SEL1L3: variants seen among roughly 807,000 people sequenced by gnomAD.
The protein encoded by SEL1L3 is SEL1L family member 3.
SEL1L3 carries 76 observed loss-of-function variants against 142.8 expected under a neutral mutation model. The ratio of observed to expected loss-of-function variants is 0.53; its 90% CI spans 0.44 to 0.64. The LOEUF is 0.64. SEL1L3 is among the 30% of genes least tolerant of loss of function. SEL1L3 has a pLI of 0.00. For missense variants in SEL1L3, 1,262 were observed against 1,381.7 expected (o/e 0.91, Z 1.37); for synonymous variants, 504 against 519.6 (o/e 0.97, Z 0.41).
intron 6 of SEL1L3, among the ~76,000 whole-genome samples, chr4:25,826,350 C>T (rs1323796069): frequency 6.6e-6 from 1 of 152,200 alleles, no homozygotes; most frequent in South Asian, 2.1e-4. Flanking sequence ...TGTAGGACAA[C>T]AGTCATTATG....
At chr4:25,843,162 C>T (rs916426924) in intron 2 of SEL1L3, among the ~76,000 whole-genome samples, 1 of 151,758 alleles carries the variant, frequency 6.6e-6, no homozygotes, top group African/African-American at 2.4e-5. Flanking sequence ...GGGACAGGGA[C>T]AGATTCCCAC....
In SEL1L3 at chr4:25,809,139, T is replaced by TTTTTA. The variant is rs564909420; in HGVS notation, c.1565-4392_1565-4388dup. Among the ~76,000 whole-genome samples, 253 of 151,318 alleles carry TTTTTA rather than the reference T, an allele frequency of 1.7e-3. 2 individuals carry two copies. The highest frequency in any genetic ancestry group is 5.7e-3 in the African/African-American group (236 of 41,322). ...GGGTAAATTTTCTTTTCTTTCTTCT[T>TTTTTA]TTTTATTTTATTTTATTTTATTGAG... is the stretch of plus-strand genomic sequence containing the variant. On this transcript the variant is annotated intron_variant, in intron 9 of 23. Coordinates refer to ENST00000399878, the MANE Select transcript of SEL1L3 (RefSeq NM_015187.5).
chr4:25,835,074 C>A, intron 3 of SEL1L3, 123 bp downstream of exon 3: 1 of 1,218,118 alleles, frequency 8.2e-7, no homozygotes, highest in South Asian at 1.5e-5. Context: ...GAAATCTCAA[C>A]ATTTTTGCAA....
At chr4:25,733,523 C>CTTTTTTT in the SEL1L3 span, among the ~76,000 whole-genome samples, 1 of 121,946 alleles carries the variant, frequency 8.2e-6, no homozygotes, top group Non-Finnish European at 1.6e-5. Context: ...TATTCCTTAG[C>CTTTTTTT]TTTTTTTTTT....
At chr4:25,725,670 G>T in the SEL1L3 span, among the ~76,000 whole-genome samples, 2 of 152,064 alleles carry the variant, frequency 1.3e-5, no homozygotes, top group African/African-American at 4.8e-5. Context: ...GGGGTGGATT[G>T]TTCATGAATT....
downstream of SEL1L3, among the ~76,000 whole-genome samples, chr4:25,745,143 C>T (rs1264001607): frequency 6.6e-6 from 1 of 152,062 alleles, no homozygotes; most frequent in East Asian, 1.9e-4. Context: ...ACCTGTAATC[C>T]CAGCACTTTG....
At chr4:25,734,269 C>T in the SEL1L3 span, among the ~76,000 whole-genome samples, 1 of 152,150 alleles carries the variant, frequency 6.6e-6, no homozygotes, top group African/African-American at 2.4e-5. Context: ...TGGTCTCAAA[C>T]TCCTGACCTC....
chr4:25,781,859 C>A lies in SEL1L3; in HGVS notation c.2457+383G>T, dbSNP rs188310087. Among the ~76,000 whole-genome samples the A allele has an allele frequency of 6.6e-4, 101 of 152,300 alleles. 1 individual carries two copies. Among genetic ancestry groups the A allele is most frequent in the Middle Eastern group, 3.4e-3 (1 of 294 alleles). On this transcript the variant is annotated intron_variant, in intron 15 of 23. Transcript: ENST00000399878. ...ATTATTATTAAAACTGGTTTCACACCAGGCAATCCTATCTGGACTTAGTTC... is the reference window on the plus strand; with the variant it reads ...ATTATTATTAAAACTGGTTTCACACAAGGCAATCCTATCTGGACTTAGTTC...
chr4:25,768,675 G>A (rs1718933540), intron 17 of SEL1L3, among the ~76,000 whole-genome samples: 1 of 152,094 alleles, frequency 6.6e-6, no homozygotes, highest in Non-Finnish European at 1.5e-5. Context: ...ACAAAAAACT[G>A]GAAACAAATG....
chr4:25,773,371 T>C (rs1171579456), intron 17 of SEL1L3: 1 of 152,190 alleles, frequency 6.6e-6, no homozygotes, highest in Non-Finnish European at 1.5e-5. Flanking sequence ...ATGTTTATTT[T>C]TTTAAGTAGA....
intron 9 of SEL1L3, among the ~76,000 whole-genome samples, chr4:25,806,658 C>T (rs1380067608): frequency 6.6e-6 from 1 of 152,166 alleles, no homozygotes; most frequent in Non-Finnish European, 1.5e-5. Flanking sequence ...GCAGCCACCA[C>T]CTCCACCAGC....
At chr4:25,736,242 T>TGTGTGTGTGTGTGA in the SEL1L3 span, among the ~76,000 whole-genome samples, 11 of 150,438 alleles carry the variant, frequency 7.3e-5, no homozygotes, top group Admixed American at 2.7e-4. Context: ...TGTGTGTGTG[T>TGTGTGTGTGTGTGA]GATGGAGTTT....
Position 25,835,326 on chromosome 4 carries a change from G to T in SEL1L3, c.734-3C>A. ...AAAGCCAAGCAGGGCAACCACATCTGCAAACAGCAAAATGGCTCCCTTTCA... is the reference window on the plus strand; with the variant it reads ...AAAGCCAAGCAGGGCAACCACATCTTCAAACAGCAAAATGGCTCCCTTTCA... On this transcript the variant is annotated splice_polypyrimidine_tract_variant and splice_region_variant and intron_variant, in intron 2 of 23. Coordinates refer to ENST00000399878, the MANE Select transcript of SEL1L3 (RefSeq NM_015187.5). 1.9e-6 allele frequency: 3 copies of T among 1,613,374 alleles called. No individual in the cohort carries two copies. The highest frequency in any genetic ancestry group is 2.5e-6 in the Non-Finnish European group (3 of 1,179,516).
rs768771185 is a variant in SEL1L3, at chr4:25,788,894, GC to G, written c.2077-531del. On this transcript the variant is annotated intron_variant, in intron 12 of 23. Transcript: ENST00000399878. The surrounding 1 kb of genome is among the most constrained non-coding windows in gnomAD (Gnocchi z 5.3). Reference sequence around the variant, plus strand: ...TACTTATCTTTGTCCCTGTCTGTTAGCCCCCCAACCCAGCAGAGCTCAGCAG... The same window carrying G: ...TACTTATCTTTGTCCCTGTCTGTTAGCCCCCAACCCAGCAGAGCTCAGCAG... Among the ~76,000 whole-genome samples, 1 of 152,124 alleles carries G rather than the reference GC, an allele frequency of 6.6e-6. No homozygotes were observed. Among genetic ancestry groups the G allele is most frequent in the Non-Finnish European group, 1.5e-5 (1 of 68,018 alleles).
the SEL1L3 span, among the ~76,000 whole-genome samples, chr4:25,728,409 G>A: frequency 6.6e-6 from 1 of 151,982 alleles, no homozygotes; most frequent in African/African-American, 2.4e-5. Context: ...GGGCACCATG[G>A]GCCATTCTCA....
chr4:25,783,263 A>G (rs1299468185), intron 14 of SEL1L3, among the ~76,000 whole-genome samples: 1 of 152,126 alleles, frequency 6.6e-6, no homozygotes, highest in East Asian at 1.9e-4. Context: ...CAGGAGTTGG[A>G]GTACAAATCA....
intron 23 of SEL1L3, among the ~76,000 whole-genome samples, chr4:25,754,791 T>C (rs1483060601): frequency 6.6e-6 from 1 of 152,208 alleles, no homozygotes; most frequent in African/African-American, 2.4e-5. Context: ...TTAAAATTTA[T>C]AAGCACTGGG....
Position 25,847,289 on chromosome 4 carries a change from C to A in SEL1L3, c.733+5G>T. ...ATTAGGTTCCTAGCAAGATAGATGA[C>A]CTACCATTTTCCAGAGGACACTGTG... On this transcript the variant is annotated splice_donor_5th_base_variant and intron_variant, in intron 2 of 23. Transcript: ENST00000399878. 6.2e-7 allele frequency: 1 copy of A among 1,604,120 alleles called. No individual in the cohort carries two copies. Among genetic ancestry groups the A allele is most frequent in the Non-Finnish European group, 8.5e-7 (1 of 1,174,542 alleles).
At chr4:25,837,750 T>C (rs1379627903) in intron 2 of SEL1L3, among the ~76,000 whole-genome samples, 1 of 152,118 alleles carries the variant, frequency 6.6e-6, no homozygotes, top group Admixed American at 6.5e-5. Context: ...AAAATTCATC[T>C]GAATAACATA....
Sources: allele counts gnomAD v4.1 joint callset (sites outside exome capture counted in the v4.1 genomes callset), GRCh38; gene constraint gnomAD v4.1.1; non-coding constraint Gnocchi (gnomAD v3.1); transcripts MANE v1.5; gene names NCBI Gene and HGNC (gene_info 2026-07-23, HGNC 2026-07-21).